FGF14: variants seen among roughly 807,000 people sequenced by gnomAD.
FGF14 encodes fibroblast growth factor homologous factor 4.
In FGF14, 5 loss-of-function variants were observed where a neutral mutation model predicts 25.5. That is an observed-to-expected ratio of 0.20 (90% confidence interval 0.10 to 0.41). The LOEUF is 0.41. Ranked by LOEUF, FGF14 falls within the 10% of genes least tolerant of loss-of-function variation. FGF14 has a pLI of 1.00. For missense variants in FGF14, 222 were observed against 320.1 expected (o/e 0.69, Z 2.34); for synonymous variants, 138 against 118.3 (o/e 1.17, Z -1.08).
chr13:102,265,900 T>C (rs946763476), intron 1 of FGF14, among the ~76,000 whole-genome samples: 1 of 151,842 alleles, frequency 6.6e-6, no homozygotes, highest in Non-Finnish European at 1.5e-5. Context: ...CTGTAAAATA[T>C]AAGAAGAAAA....
At chr13:102,033,406 G>A (rs944900776) in intron 1 of FGF14, among the ~76,000 whole-genome samples, 1 of 152,122 alleles carries the variant, frequency 6.6e-6, no homozygotes, top group East Asian at 1.9e-4. Flanking sequence ...ATCAATTCCT[G>A]GGAGAAAAAG....
Position 102,123,086 on chromosome 13 carries a change from C to T in FGF14, c.209-247790G>A, listed in dbSNP as rs930586867. On this transcript the variant is annotated intron_variant, in intron 1 of 4. Transcript: ENST00000376131. ...GAATTTATAGACAGGTAGTGAGATA[C>T]CTAGAAAGACAGACGGATGGTAAGA... Among the ~76,000 whole-genome samples, 3 of 152,092 alleles carry T rather than the reference C, an allele frequency of 2.0e-5. No homozygotes were observed. The South Asian group carries it at 6.2e-4, about 32-fold the overall frequency.
At chr13:102,310,219 G>T (rs2055657335) in intron 1 of FGF14, among the ~76,000 whole-genome samples, 1 of 152,204 alleles carries the variant, frequency 6.6e-6, no homozygotes, top group African/African-American at 2.4e-5. Flanking sequence ...GGAAAAACAA[G>T]AGGATAGTTT....
intron 1 of FGF14, among the ~76,000 whole-genome samples, chr13:102,221,326 C>A (rs1257684989): frequency 6.6e-6 from 1 of 151,998 alleles, no homozygotes; most frequent in Non-Finnish European, 1.5e-5. Flanking sequence ...ACAAACCCAC[C>A]AATACCAAAG....
At chr13:101,965,812 A>AC (rs2037159249) in intron 1 of FGF14, among the ~76,000 whole-genome samples, 1 of 152,170 alleles carries the variant, frequency 6.6e-6, no homozygotes, top group Admixed American at 6.5e-5. Context: ...TAAGGAACTG[A>AC]CTTAACCCCA....
At position 101,716,021 on chromosome 13, in the gene FGF14, C is replaced by T. The variant is rs1223500213; in HGVS notation, c.*6810G>A. On this transcript the variant is annotated 3_prime_UTR_variant, in exon 5 of 5. Coordinates refer to ENST00000376143, the MANE Select transcript of FGF14 (RefSeq NM_004115.4). ...AGGCCAGGGATGCTGCTGAGCATCC[C>T]GCAGTGTACAGGACAGCCCCCAAAC... is the stretch of plus-strand genomic sequence containing the variant. 1.7e-5 allele frequency: 4 copies of T among 231,986 alleles called. No individual in the cohort carries two copies. The highest frequency in any genetic ancestry group is 1.1e-4 in the East Asian group (1 of 9,272). The allele number at this position is 231,986 out of a possible 1,614,324, so 14.4% of individuals were successfully genotyped here. A position where few individuals can be genotyped will look rare whatever the true frequency, so the allele number is the denominator to read the frequency against.
intron 1 of FGF14, among the ~76,000 whole-genome samples, chr13:101,948,660 C>T (rs969817649): frequency 1.9e-4 from 29 of 151,924 alleles, no homozygotes; most frequent in African/African-American, 7.0e-4. Context: ...AATACATAAG[C>T]TTCCCAATAC....
intron 1 of FGF14, among the ~76,000 whole-genome samples, chr13:101,931,993 C>A (rs1427754076): frequency 6.6e-6 from 1 of 152,190 alleles, no homozygotes; most frequent in Non-Finnish European, 1.5e-5. Context: ...TCCCTAAAAG[C>A]TCTCCAAGAT....
chr13:101,724,588 T>C (rs1335538004), intron 4 of FGF14, among the ~76,000 whole-genome samples: 3 of 80,862 alleles, frequency 3.7e-5, no homozygotes, highest in Admixed American at 1.7e-4. Flanking sequence ...ACTTAAAGTA[T>C]AATAATAAAA....
rs181893954 is a variant in FGF14, at chr13:102,324,314, T to A, written c.208+77157A>T. ...GCTTGGGCTCTAGGGTTAGACTGACTGGGTTCAAATTCTGTTTCTACCATT... is the reference window on the plus strand; with the variant it reads ...GCTTGGGCTCTAGGGTTAGACTGACAGGGTTCAAATTCTGTTTCTACCATT... On this transcript the variant is annotated intron_variant, in intron 1 of 4. Coordinates refer to the FGF14 transcript ENST00000376131. Among the ~76,000 whole-genome samples the A allele has an allele frequency of 1.8e-3, 276 of 152,294 alleles. 2 individuals are homozygous for A. The Middle Eastern group carries it at 0.024, about 13-fold the overall frequency.
chr13:102,387,724 G>GT (rs932764934), intron 1 of FGF14, among the ~76,000 whole-genome samples: 3 of 151,712 alleles, frequency 2.0e-5, no homozygotes, highest in African/African-American at 7.2e-5. Context: ...TTTTTGTTTG[G>GT]TTTTTTGAGA....
chr13:102,288,987 G>T (rs1488445796), intron 1 of FGF14, among the ~76,000 whole-genome samples: 6 of 151,052 alleles, frequency 4.0e-5, no homozygotes, highest in Non-Finnish European at 2.9e-5. Context: ...ACCAATAAAT[G>T]CCAAGGTTAG....
At chr13:101,741,378 T>TA (rs755830867) in intron 3 of FGF14, among the ~76,000 whole-genome samples, 46 of 152,158 alleles carry the variant, frequency 3.0e-4, no homozygotes, top group Non-Finnish European at 5.9e-4. Flanking sequence ...TGAGCAGTAC[T>TA]ATAGTAGGAG....
intron 1 of FGF14, among the ~76,000 whole-genome samples, chr13:101,990,833 C>T: frequency 6.6e-6 from 1 of 152,006 alleles, no homozygotes; most frequent in East Asian, 1.9e-4. Flanking sequence ...TTATGTTATT[C>T]CTGAAATCTC....
intron 1 of FGF14, among the ~76,000 whole-genome samples, chr13:102,067,177 G>T (rs562777808): frequency 6.6e-6 from 1 of 152,202 alleles, no homozygotes; most frequent in Admixed American, 6.5e-5. Context: ...TATTTCAACT[G>T]ATAGGATCAT....
intron 1 of FGF14, among the ~76,000 whole-genome samples, chr13:102,301,826 T>TCA (rs3066038): frequency 0.044 from 6,122 of 139,942 alleles, 154 homozygotes; most frequent in African/African-American, 0.073. Flanking sequence ...TTCCTGTACT[T>TCA]CACACACACA....
At chr13:101,961,530 C>T (rs916244596) in intron 1 of FGF14, among the ~76,000 whole-genome samples, 1 of 152,118 alleles carries the variant, frequency 6.6e-6, no homozygotes, top group African/African-American at 2.4e-5. Context: ...GTTCTCTATT[C>T]TGTTCCATTG....
chr13:102,227,330 T>G (rs2050869079), intron 1 of FGF14, among the ~76,000 whole-genome samples: 1 of 152,152 alleles, frequency 6.6e-6, no homozygotes, highest in African/African-American at 2.4e-5. Context: ...TTTTCCTCCA[T>G]GCAATGCTTA....
intron 3 of FGF14, among the ~76,000 whole-genome samples, chr13:101,821,631 T>A (rs1414812484): frequency 6.6e-6 from 1 of 152,212 alleles, no homozygotes; most frequent in Admixed American, 6.5e-5. Flanking sequence ...TTTTCCCAAA[T>A]GGTTATAGCA....
Sources: gnomAD v4.1 joint callset for allele counts (sites outside exome capture counted in the v4.1 genomes callset) on GRCh38, gnomAD v4.1.1 for gene constraint, MANE v1.5 for transcripts, NCBI Gene and HGNC (gene_info 2026-07-23, HGNC 2026-07-21) for gene names.